BMERB1: variants seen among roughly 807,000 people sequenced by gnomAD.
The protein encoded by BMERB1 is bMERB domain-containing protein 1.
In BMERB1, 12 loss-of-function variants were observed where a neutral mutation model predicts 23.6. That is an observed-to-expected ratio of 0.51 (90% CI 0.33 to 0.82). The LOEUF (loss-of-function observed/expected upper bound fraction) is 0.82, where lower values mean the gene tolerates loss of function less well. Ranked by LOEUF, BMERB1 falls within the 40% of genes least tolerant of loss-of-function variation. The pLI, the probability that BMERB1 is intolerant of heterozygous loss-of-function variation, is 0.03. For synonymous variants in BMERB1, 122 were observed against 96.6 expected, an observed-to-expected ratio of 1.26 and a Z score of -1.54; for missense variants, 247 against 255.4, an observed-to-expected ratio of 0.97 and a Z score of 0.22.
At chr16:15,507,632 G>A (rs969457982) in intron 1 of BMERB1, among the ~76,000 whole-genome samples, 13 of 152,086 alleles carry the variant, frequency 8.5e-5, no homozygotes, top group Non-Finnish European at 1.0e-4. Context: ...TGTCCTCCTC[G>A]TGGAGACATT....
At chr16:15,486,635 G>C (rs1333737551) in intron 1 of BMERB1, among the ~76,000 whole-genome samples, 1 of 152,070 alleles carries the variant, frequency 6.6e-6, no homozygotes, top group Non-Finnish European at 1.5e-5. Flanking sequence ...TAGTGGTCCA[G>C]AAATACTTCT....
intron 1 of BMERB1, among the ~76,000 whole-genome samples, chr16:15,445,134 C>G (rs911569033): frequency 6.6e-6 from 1 of 152,152 alleles, no homozygotes; most frequent in Non-Finnish European, 1.5e-5. Flanking sequence ...CTCAAGCAAT[C>G]CTCCTGTCTT....
intron 2 of BMERB1, among the ~76,000 whole-genome samples, chr16:15,519,074 TAC>T (rs145892599): frequency 0.025 from 3,578 of 140,554 alleles, 152 homozygotes; most frequent in African/African-American, 0.091. Context: ...ACAATCCTCT[TAC>T]ACACACACAC....
At chr16:15,479,460 T>G (rs1197214964) in intron 1 of BMERB1, among the ~76,000 whole-genome samples, 1 of 152,166 alleles carries the variant, frequency 6.6e-6, no homozygotes, top group Admixed American at 6.5e-5. Flanking sequence ...CAAGTAAACC[T>G]TAAAAATGAC....
At chr16:15,521,655 C>T (rs2051855238) in intron 2 of BMERB1, among the ~76,000 whole-genome samples, 1 of 152,114 alleles carries the variant, frequency 6.6e-6, no homozygotes. Context: ...TGCTGACTTC[C>T]CTTTGCTTGA....
At chr16:15,517,874 GGTGTGTGGATGTGT>G (rs796104218) in intron 2 of BMERB1, among the ~76,000 whole-genome samples, 12,616 of 137,660 alleles carry the variant, frequency 0.092, 1,681 homozygotes, top group African/African-American at 0.3. Flanking sequence ...GATGTGTGTG[GGTGTGTGGATGTGT>G]GTGTGTGGAT....
chr16:15,445,528 A>C (rs1598442183), intron 1 of BMERB1, among the ~76,000 whole-genome samples: 1 of 152,264 alleles, frequency 6.6e-6, no homozygotes, highest in East Asian at 1.9e-4. Flanking sequence ...AAAGAATAGA[A>C]GGAAATACAT....
intron 1 of BMERB1, among the ~76,000 whole-genome samples, chr16:15,482,600 C>T (rs2051331063): frequency 6.6e-6 from 1 of 152,120 alleles, no homozygotes; most frequent in South Asian, 2.1e-4. Flanking sequence ...CCTGTGGAAG[C>T]AGCCATGACT....
chr16:15,555,638 G>T (rs530666323), intron 2 of BMERB1, among the ~76,000 whole-genome samples: 3 of 152,040 alleles, frequency 2.0e-5, no homozygotes, highest in Non-Finnish European at 4.4e-5. Flanking sequence ...GCCACAGAGA[G>T]AAAACAGACA....
intron 1 of BMERB1, among the ~76,000 whole-genome samples, chr16:15,501,270 G>T (rs796829734): frequency 2.8e-5 from 4 of 145,158 alleles, no homozygotes; most frequent in African/African-American, 1.0e-4. Flanking sequence ...ATGTGCCTCC[G>T]CACCCAGCTC....
At chr16:15,521,736 T>C (rs1468856471) in intron 2 of BMERB1, among the ~76,000 whole-genome samples, 1 of 152,202 alleles carries the variant, frequency 6.6e-6, no homozygotes, top group Non-Finnish European at 1.5e-5. Flanking sequence ...TTATCAACTT[T>C]ACTGGAACAG....
intron 1 of BMERB1, among the ~76,000 whole-genome samples, chr16:15,471,776 C>T (rs893921256): frequency 2.0e-5 from 3 of 152,024 alleles, no homozygotes; most frequent in Non-Finnish European, 4.4e-5. Flanking sequence ...TGGGGTCTTG[C>T]TATGTTCCCC....
chr16:15,502,006 C>G lies in BMERB1; in HGVS notation c.107-13299C>G, dbSNP rs149317698. Reference sequence around the variant, plus strand: ...TCTATTTCAATTGGACCGCACTGATCTATACATTCTCTCTTTTATGACCCC... The same window carrying G: ...TCTATTTCAATTGGACCGCACTGATGTATACATTCTCTCTTTTATGACCCC... On this transcript the variant is annotated intron_variant, in intron 1 of 5. Coordinates refer to ENST00000300006, the MANE Select transcript of BMERB1 (RefSeq NM_033201.3). Among the ~76,000 whole-genome samples the G allele has an allele frequency of 6.6e-3, 999 of 152,328 alleles. 9 individuals carry two copies. Among genetic ancestry groups the G allele is most frequent in the African/African-American group, 0.023 (943 of 41,578 alleles).
Position 15,480,014 on chromosome 16 carries a change from T to A in BMERB1, c.107-35291T>A, listed in dbSNP as rs569408041. Among the ~76,000 whole-genome samples, 839 of 144,796 alleles carry A rather than the reference T, an allele frequency of 5.8e-3. 13 individuals are homozygous for A. Among genetic ancestry groups the A allele is most frequent in the African/African-American group, 0.021 (783 of 38,074 alleles). The allele number at this position is 144,796 out of a possible 152,430, so 95.0% of individuals were successfully genotyped here. A position where few individuals can be genotyped will look rare whatever the true frequency, so the allele number is the denominator to read the frequency against. ...ATATAGTTTTCATATATATATATAA[T>A]ATATATATAATATATATTTAAAAAG... On this transcript the variant is annotated intron_variant, in intron 1 of 5. Transcript: ENST00000300006.
intron 1 of BMERB1, among the ~76,000 whole-genome samples, chr16:15,497,881 G>T (rs757460377): frequency 6.6e-6 from 1 of 152,116 alleles, no homozygotes; most frequent in Non-Finnish European, 1.5e-5. Context: ...TCCTGCCCCC[G>T]GGTTCCTGTT....
chr16:15,484,563 G>A (rs957508843), intron 1 of BMERB1, among the ~76,000 whole-genome samples: 1 of 151,950 alleles, frequency 6.6e-6, no homozygotes, highest in Non-Finnish European at 1.5e-5. Context: ...CGCCACACCC[G>A]GCTAATTTTT....
At chr16:15,557,509 G>C (rs2030296532) in intron 2 of BMERB1, among the ~76,000 whole-genome samples, 1 of 152,328 alleles carries the variant, frequency 6.6e-6, no homozygotes, top group East Asian at 1.9e-4. Flanking sequence ...CAGGACAGCT[G>C]TATGTCTTGA....
chr16:15,506,853 C>G (rs993189275), intron 1 of BMERB1, among the ~76,000 whole-genome samples: 1 of 152,216 alleles, frequency 6.6e-6, no homozygotes, highest in Non-Finnish European at 1.5e-5. Context: ...TGGCAATACT[C>G]ATTGCCTCAG....
At chr16:15,535,322 G>T (rs1045203870) in intron 2 of BMERB1, among the ~76,000 whole-genome samples, 1 of 152,066 alleles carries the variant, frequency 6.6e-6, no homozygotes, top group Non-Finnish European at 1.5e-5. Flanking sequence ...CTGCACTCCA[G>T]TCTGGGCAAC....
Sources: allele counts gnomAD v4.1 joint callset (sites outside exome capture counted in the v4.1 genomes callset), GRCh38; gene constraint gnomAD v4.1.1; transcripts MANE v1.5; gene names NCBI Gene and HGNC (gene_info 2026-07-23, HGNC 2026-07-21).